The following CDADC1 variants were observed in gnomAD, a reference collection of about 807,000 sequenced individuals.
CDADC1 encodes cytidine and dCMP deaminase domain containing 1.
A neutral mutation model predicts 54.9 loss-of-function variants in CDADC1; 39 were observed. The ratio of observed to expected loss-of-function variants is 0.71; its 90% confidence interval spans 0.55 to 0.93. The LOEUF (loss-of-function observed/expected upper bound fraction) is 0.93, where lower values mean the gene tolerates loss of function less well. CDADC1 is among the 40% of genes least tolerant of loss of function. CDADC1 has a pLI of 0.00. For synonymous variants in CDADC1, 186 were observed against 204.0 expected, an observed-to-expected ratio of 0.91 and a Z score of 0.75; for missense variants, 518 against 618.8, an observed-to-expected ratio of 0.84 and a Z score of 1.73.
At chr13:49,280,475 C>T (rs768520675) in intron 7 of CDADC1, 34 bp from the exon 8 acceptor site, 5 of 1,166,658 alleles carry the variant, frequency 4.3e-6, no homozygotes, top group Non-Finnish European at 3.5e-6. Context: ...CTTTCAGAAA[C>T]GACCTTTCTG....
At chr13:49,278,304 CTT>C (rs889117535) in intron 6 of CDADC1, 44 bp from the exon 7 acceptor site, 2 of 1,377,732 alleles carry the variant, frequency 1.5e-6, no homozygotes, top group Non-Finnish European at 1.9e-6. Flanking sequence ...TGCAAAGTGT[CTT>C]TTCAGAATGT....
chr13:49,262,052 C>G (rs761227697), intron 4 of CDADC1, among the ~76,000 whole-genome samples: 3 of 152,134 alleles, frequency 2.0e-5, no homozygotes, highest in Non-Finnish European at 4.4e-5. Context: ...TTGCTATTAC[C>G]TCAGTTATAA....
intron 9 of CDADC1, among the ~76,000 whole-genome samples, chr13:49,289,320 G>T (rs189173306): frequency 1.2e-3 from 188 of 151,836 alleles, no homozygotes; most frequent in South Asian, 0.011. Flanking sequence ...TAGAGACGAG[G>T]TTTCACCACG....
chr13:49,248,898 A>G lies in CDADC1; in HGVS notation c.110A>G (p.Asn37Ser), dbSNP rs150336586. Reference sequence around the variant, plus strand: ...CAGATACCAAGGCTTTCTAAAGTCAACCTTTTCACTCTGCTCAGCCTCTGG... The same window carrying G: ...CAGATACCAAGGCTTTCTAAAGTCAGCCTTTTCACTCTGCTCAGCCTCTGG... ...TGQIPRLSKV[N>S]LFTLLSLWME... Residue 37 changes from asparagine to serine, a missense_variant, in exon 2 of 10, where the codon AAC becomes AGC. Physicochemically the swap from Asn to Ser is conservative, Grantham distance 46. Transcript: ENST00000251108. 7.1e-5 allele frequency: 115 copies of G among 1,611,424 alleles called. No homozygotes were observed. Among genetic ancestry groups the G allele is most frequent in the Admixed American group, 1.2e-4 (7 of 60,008 alleles).
intron 9 of CDADC1, among the ~76,000 whole-genome samples, chr13:49,291,317 G>A (rs545456846): frequency 1.4e-5 from 2 of 147,722 alleles, no homozygotes; most frequent in Non-Finnish European, 3.0e-5. Flanking sequence ...ACAGGTGTGC[G>A]CCACAACACC....
intron 4 of CDADC1, among the ~76,000 whole-genome samples, chr13:49,261,083 G>A (rs1266317511): frequency 6.6e-6 from 1 of 152,230 alleles, no homozygotes; most frequent in Non-Finnish European, 1.5e-5. Context: ...TATAGTGATA[G>A]TGGAGAACTT....
intron 7 of CDADC1, 120 bp downstream of exon 7, chr13:49,278,639 G>A (rs1953218163): frequency 2.5e-6 from 2 of 814,358 alleles, no homozygotes; most frequent in East Asian, 5.7e-5. Flanking sequence ...CCTTTCAGAA[G>A]TATAACTTTG....
In CDADC1 at chr13:49,280,668, C is replaced by T. The variant is rs371063856; in HGVS notation, c.1380C>T (p.Phe460=). Residue 460 remains phenylalanine (F), a synonymous_variant, in exon 8 of 10, where the codon TTC becomes TTT. Transcript: ENST00000251108. ...KKKADISYMR[F]GELEGVSKFT... The stretch of plus-strand genomic sequence containing the variant: ...AGGCAGACATCTCTTACATGAGGTT[C>T]GGGGAGCTTGAAGGTGTTAGCAAAT... The T allele has an allele frequency of 2.6e-5, 42 of 1,586,790 alleles. No homozygotes were observed. The highest frequency in any genetic ancestry group is 3.7e-5 in the Admixed American group (2 of 53,460).
intron 2 of CDADC1, among the ~76,000 whole-genome samples, chr13:49,250,150 T>C (rs1008790287): frequency 6.6e-6 from 1 of 152,210 alleles, no homozygotes; most frequent in Non-Finnish European, 1.5e-5. Flanking sequence ...GTTGTAGTTA[T>C]ATTCTGCATG....
chr13:49,248,268 C>G (rs1952342793), intron 1 of CDADC1, 149 bp downstream of exon 1: 2 of 682,884 alleles, frequency 2.9e-6, no homozygotes, highest in East Asian at 5.6e-5. Context: ...GTGTCCCCTC[C>G]GCGGTCGCCA....
chr13:49,252,375 TG>T (rs1407981438), intron 2 of CDADC1, among the ~76,000 whole-genome samples: 1 of 152,218 alleles, frequency 6.6e-6, no homozygotes, highest in East Asian at 1.9e-4. Flanking sequence ...CATGTTAACT[TG>T]GGAACTTGAC....
At position 49,291,451 on chromosome 13, in the gene CDADC1, C is replaced by T. The variant is rs137980002; in HGVS notation, c.1472-233C>T. On this transcript the variant is annotated intron_variant, in intron 9 of 9. Coordinates refer to ENST00000251108, the MANE Select transcript of CDADC1 (RefSeq NM_030911.4). ...CCTCCAAAAGTGTTAAAATTACAGA[C>T]GTGAGCCATTGCACCCGGCCAATGT... Among the ~76,000 whole-genome samples the T allele has an allele frequency of 1.8e-4, 27 of 152,230 alleles. No homozygotes were observed. In the East Asian group the frequency reaches 4.6e-3, roughly 26 times the overall value.
At chr13:49,271,037 A>G (rs548752763) in intron 5 of CDADC1, among the ~76,000 whole-genome samples, 1 of 152,372 alleles carries the variant, frequency 6.6e-6, no homozygotes, top group East Asian at 1.9e-4. Flanking sequence ...CTCTAACAAC[A>G]GAGTTCTAAA....
chr13:49,290,679 T>C (rs1020324866), intron 9 of CDADC1, among the ~76,000 whole-genome samples: 2 of 152,110 alleles, frequency 1.3e-5, no homozygotes, highest in African/African-American at 4.8e-5. Flanking sequence ...GAATGTGTAC[T>C]TATGTCAGAA....
intron 9 of CDADC1, among the ~76,000 whole-genome samples, chr13:49,290,554 C>T (rs1953675741): frequency 6.6e-6 from 1 of 152,060 alleles, no homozygotes; most frequent in Non-Finnish European, 1.5e-5. Context: ...AACAGCAGGG[C>T]AGAACATACA....
intron 5 of CDADC1, among the ~76,000 whole-genome samples, chr13:49,270,264 C>T (rs1318804014): frequency 6.6e-6 from 1 of 151,960 alleles, no homozygotes; most frequent in Non-Finnish European, 1.5e-5. Flanking sequence ...ACTCTGTTGC[C>T]CAGGCTGAGT....
rs575484320 is a variant in CDADC1, at chr13:49,267,341, A to T, written c.431-149A>T. 1.0e-5 allele frequency: 7 copies of T among 684,840 alleles called. No individual in the cohort carries two copies. The South Asian group carries it at 1.5e-4, about 15-fold the overall frequency. The allele number at this position is 684,840 out of a possible 1,614,324, so 42.4% of individuals were successfully genotyped here. A position where few individuals can be genotyped will look rare whatever the true frequency, so the allele number is the denominator to read the frequency against. On this transcript the variant is annotated intron_variant, in intron 4 of 9. Transcript: ENST00000251108. ...TTTGGCCTGTGGGTGGTAGTTTGCC[A>T]ACCCTCAGGCTATATAATAGGTGAC...
rs569659937 is a variant in CDADC1, at chr13:49,274,345, G to A, written c.1050+5G>A. ...ATTTGGGCAGAAGGGAAATCTGTAAGTATGAAAACAATTCTTTAAATATTT... is the reference window on the plus strand; with the variant it reads ...ATTTGGGCAGAAGGGAAATCTGTAAATATGAAAACAATTCTTTAAATATTT... On this transcript the variant is annotated splice_donor_5th_base_variant and intron_variant, in intron 6 of 9. Transcript: ENST00000251108. 3 of 1,605,796 alleles carry A rather than the reference G, an allele frequency of 1.9e-6. No individual in the cohort carries two copies. The highest frequency in any genetic ancestry group is 2.2e-5 in the South Asian group (2 of 90,672).
In CDADC1 at chr13:49,291,745, C is replaced by T. The variant is rs763533488; in HGVS notation, c.1533C>T (p.Leu511=). ...EEQHQDKKLR[L]GIH ...AGCACCAGGACAAGAAGCTGCGCCT[C>T]GGAATCCACTAAGAAGGCCTGTCTA... is the stretch of plus-strand genomic sequence containing the variant. The change falls in exon 10 of 10, where the codon CTC becomes CTT. Residue 511 remains leucine (L), a synonymous_variant. Transcript: ENST00000251108. The T allele has an allele frequency of 8.7e-6, 14 of 1,613,886 alleles. No individual in the cohort carries two copies. The highest frequency in any genetic ancestry group is 2.2e-5 in the East Asian group (1 of 44,896).
Sources: gnomAD v4.1 joint callset for allele counts (sites outside exome capture counted in the v4.1 genomes callset) on GRCh38, gnomAD v4.1.1 for gene constraint, MANE v1.5 for transcripts, NCBI Gene and HGNC (gene_info 2026-07-23, HGNC 2026-07-21) for gene names.